MTMR14: variants seen among roughly 807,000 people sequenced by gnomAD.
MTMR14 encodes phosphatidylinositol-3,5-bisphosphate 3-phosphatase MTMR14.
A neutral mutation model predicts 86.3 loss-of-function variants in MTMR14; 48 were observed. The observed-to-expected ratio is 0.56, with a 90% CI of 0.44 to 0.71. The LOEUF is 0.71. Ranked by LOEUF, MTMR14 falls within the 30% of genes least tolerant of loss-of-function variation. MTMR14 has a pLI of 0.00. For synonymous variants in MTMR14, 366 were observed against 326.1 expected (o/e 1.12, Z -1.32); for missense variants, 780 against 834.6 (o/e 0.93, Z 0.81).
At chr3:9,689,229 G>T in intron 16 of MTMR14, 147 bp downstream of exon 16, 1 of 1,281,664 alleles carries the variant, frequency 7.8e-7, no homozygotes, top group South Asian at 1.3e-5. Flanking sequence ...GTCTCTACTG[G>T]GCCTCAGAAG....
At chr3:9,684,818 G>C (rs780888821) in intron 11 of MTMR14, 70 bp from the exon 12 acceptor site, 529 of 1,575,400 alleles carry the variant, frequency 3.4e-4, no homozygotes, top group Non-Finnish European at 4.3e-4. Context: ...CGTTGTCACT[G>C]GGTCTGGTTA....
rs539496653 is a variant in MTMR14, at chr3:9,656,954, G to A, written c.308+3185G>A. ...TTTTGTTTTTGTTTTTAATTAAGAC[G>A]GGGTCTGGAATGCAGTGGCACAATC... On this transcript the variant is annotated intron_variant, in intron 2 of 18. Coordinates refer to ENST00000296003, the MANE Select transcript of MTMR14 (RefSeq NM_001077525.3). Among the ~76,000 whole-genome samples the A allele has an allele frequency of 2.0e-3, 297 of 151,956 alleles. 2 individuals carry two copies. Among genetic ancestry groups the A allele is most frequent in the Non-Finnish European group, 3.5e-3 (238 of 67,960 alleles).
rs2047166784 is a variant in MTMR14 at position 9,649,707 on chromosome 3, C to T, written c.124C>T (p.Arg42Trp). ...GGAGGAGTTCTCCCGGACTCAGTACCGGGCCAAGGATGGCAGCGGGACCGG... is the reference window on the plus strand; with the variant it reads ...GGAGGAGTTCTCCCGGACTCAGTACTGGGCCAAGGATGGCAGCGGGACCGG... ...LLEEFSRTQYRAKDGSGTGGS... is the reference protein window; with the variant it reads ...LLEEFSRTQYWAKDGSGTGGS... The change falls in exon 1 of 19, where the codon CGG becomes TGG. Residue 42 changes from arginine (R) to tryptophan (W), a missense_variant. Transcript: ENST00000296003. 2.5e-6 allele frequency: 4 copies of T among 1,612,950 alleles called. No individual in the cohort carries two copies. Among genetic ancestry groups the T allele is most frequent in the African/African-American group, 1.3e-5 (1 of 74,882 alleles).
At chr3:9,681,138 C>T (rs1310844640) in intron 9 of MTMR14, among the ~76,000 whole-genome samples, 1 of 152,078 alleles carries the variant, frequency 6.6e-6, no homozygotes, top group Non-Finnish European at 1.5e-5. Context: ...GGTGCCAGGC[C>T]CTTCAGGAGG....
intron 13 of MTMR14, among the ~76,000 whole-genome samples, chr3:9,687,362 T>C (rs2075992549): frequency 6.6e-6 from 1 of 152,008 alleles, no homozygotes; most frequent in Non-Finnish European, 1.5e-5. Context: ...GAGACCATCC[T>C]GGCTAACACG....
chr3:9,658,143 T>A (rs1327854615), intron 2 of MTMR14, among the ~76,000 whole-genome samples: 1 of 152,220 alleles, frequency 6.6e-6, no homozygotes, highest in Non-Finnish European at 1.5e-5. Flanking sequence ...GGGTGATGCC[T>A]GCTTGTTGAA....
At chr3:9,654,581 G>A (rs1056748537) in intron 2 of MTMR14, among the ~76,000 whole-genome samples, 1 of 152,198 alleles carries the variant, frequency 6.6e-6, no homozygotes, top group Non-Finnish European at 1.5e-5. Flanking sequence ...TGATCTCAAA[G>A]TTTGCTCTCC....
chr3:9,678,111 G>A, intron 9 of MTMR14, 53 bp downstream of exon 9: 1 of 1,588,804 alleles, frequency 6.3e-7, no homozygotes, highest in Non-Finnish European at 8.6e-7. Context: ...GGTGACCAAG[G>A]AGACTCTTGA....
chr3:9,701,869 G>C lies in MTMR14; in HGVS notation c.1849G>C (p.Gly617Arg), dbSNP rs1318969228. ...AFLAAYSSTV[G>R]LRAVAPSPSG... The stretch of plus-strand genomic sequence containing the variant: ...CTTGGCTGCGTACAGCAGCACAGTG[G>C]GGCTTCGGGCAGTAGCCCCCAGTCC... Residue 617 changes from glycine (G) to arginine (R), a missense_variant, in exon 19 of 19, where the codon GGG (glycine) becomes CGG (arginine). Transcript: ENST00000296003. This position sits in a 1 kb window ranked among gnomAD's most constrained non-coding sequence, Gnocchi z 4.2. 4 of 1,614,028 alleles carry C rather than the reference G, an allele frequency of 2.5e-6. No individual in the cohort carries two copies. The highest frequency in any genetic ancestry group is 3.4e-6 in the Non-Finnish European group (4 of 1,180,054).
At chr3:9,668,460 A>G (rs1376839554) in intron 3 of MTMR14, among the ~76,000 whole-genome samples, 1 of 152,218 alleles carries the variant, frequency 6.6e-6, no homozygotes, top group Non-Finnish European at 1.5e-5. Flanking sequence ...TACACATGCA[A>G]CAACCACCCA....
chr3:9,653,018 C>T (rs2124928421), intron 1 of MTMR14, among the ~76,000 whole-genome samples: 1 of 152,244 alleles, frequency 6.6e-6, no homozygotes, highest in South Asian at 2.1e-4. Context: ...GGGCGGGTCA[C>T]CTGAGGTCAG....
chr3:9,691,648 G>C (rs1394300509), intron 17 of MTMR14, among the ~76,000 whole-genome samples: 1 of 152,176 alleles, frequency 6.6e-6, no homozygotes, highest in Non-Finnish European at 1.5e-5. Flanking sequence ...TCTCCTGCCT[G>C]CCAAAAGATC....
chr3:9,667,360 G>C (rs1254682114), intron 3 of MTMR14, among the ~76,000 whole-genome samples: 1 of 152,150 alleles, frequency 6.6e-6, no homozygotes, highest in Non-Finnish European at 1.5e-5. Context: ...GCTTTTAACG[G>C]GGTCTGGGAA....
At chr3:9,662,581 C>T (rs1275535253) in intron 3 of MTMR14, among the ~76,000 whole-genome samples, 9 of 152,192 alleles carry the variant, frequency 5.9e-5, no homozygotes, top group African/African-American at 1.7e-4. Flanking sequence ...ACCAGCATAC[C>T]CCACCCCGTG....
chr3:9,686,241 G>A (rs773756140), intron 13 of MTMR14, among the ~76,000 whole-genome samples: 1 of 152,178 alleles, frequency 6.6e-6, no homozygotes, highest in Non-Finnish European at 1.5e-5. Context: ...TCCCTCAGAG[G>A]CGGTGACTTT....
intron 3 of MTMR14, among the ~76,000 whole-genome samples, chr3:9,664,216 T>C (rs2048120153): frequency 6.6e-6 from 1 of 150,640 alleles, no homozygotes. Context: ...AAAAGCATTA[T>C]CTGTCAAATA....
chr3:9,676,829 G>A (rs181400697), intron 7 of MTMR14, among the ~76,000 whole-genome samples: 1 of 152,308 alleles, frequency 6.6e-6, no homozygotes, highest in African/African-American at 2.4e-5. Context: ...GGCACTGTCC[G>A]TGGGCCTTTC....
chr3:9,695,560 C>G (rs2076258714), intron 17 of MTMR14, among the ~76,000 whole-genome samples: 1 of 152,188 alleles, frequency 6.6e-6, no homozygotes, highest in South Asian at 2.1e-4. Flanking sequence ...AAGTGACAAG[C>G]CCAGGGGACC....
At position 9,649,559 on chromosome 3, in the gene MTMR14, C is replaced by T; in HGVS notation, c.-25C>T. The T allele has an allele frequency of 2.0e-6, 3 of 1,535,516 alleles. No individual in the cohort carries two copies. The highest frequency in any genetic ancestry group is 2.6e-6 in the Non-Finnish European group (3 of 1,141,656). On this transcript the variant is annotated 5_prime_UTR_variant, in exon 1 of 19. Coordinates refer to ENST00000296003, the MANE Select transcript of MTMR14 (RefSeq NM_001077525.3). ...AGGTGCCATGGGCCCGCTTGAGGCA[C>T]ACTGAGGGGACGCGGGGCTGGGCCA...
Sources: gnomAD v4.1 joint callset for allele counts (sites outside exome capture counted in the v4.1 genomes callset) on GRCh38, gnomAD v4.1.1 for gene constraint, Gnocchi (gnomAD v3.1) non-coding constraint, MANE v1.5 for transcripts, NCBI Gene and HGNC (gene_info 2026-07-23, HGNC 2026-07-21) for gene names.